SLCO5A1: variants seen among roughly 807,000 people sequenced by gnomAD.
SLCO5A1 encodes the protein solute carrier organic anion transporter family member 5A1, also known as organic anion transporter polypeptide-related protein 4.
Under a neutral mutation model 65.1 loss-of-function variants are expected in SLCO5A1, and 39 were observed. That is an observed-to-expected ratio of 0.60 (90% CI 0.46 to 0.78). The LOEUF is 0.78. Among genes scored for constraint, SLCO5A1 ranks in the 30% least tolerant of loss-of-function variants. The probability of loss-of-function intolerance (pLI) is 0.00; values close to 1 mark genes in which losing one functional copy is unlikely to be tolerated. For synonymous variants in SLCO5A1, 438 were observed against 415.7 expected (o/e 1.05, Z -0.65); for missense variants, 1,029 against 1,069.4 (o/e 0.96, Z 0.53).
chr8:69,805,614 C>T (rs917715347), intron 2 of SLCO5A1, among the ~76,000 whole-genome samples: 1 of 152,124 alleles, frequency 6.6e-6, no homozygotes, highest in South Asian at 2.1e-4. Context: ...ATTTTTCCTG[C>T]GGGTATAAAA....
chr8:69,810,467 A>C (rs747420240), intron 2 of SLCO5A1, among the ~76,000 whole-genome samples: 2 of 152,230 alleles, frequency 1.3e-5, no homozygotes, highest in Non-Finnish European at 2.9e-5. Flanking sequence ...CAGTAAAGAC[A>C]GAAGAAAGCC....
At chr8:69,792,546 C>T (rs1270595180) in intron 2 of SLCO5A1, among the ~76,000 whole-genome samples, 1 of 152,152 alleles carries the variant, frequency 6.6e-6, no homozygotes, top group Admixed American at 6.6e-5. Flanking sequence ...ATTTTAAGAG[C>T]ATTTGTCTGG....
At chr8:69,762,338 C>A (rs1383299005) in intron 2 of SLCO5A1, among the ~76,000 whole-genome samples, 1 of 152,082 alleles carries the variant, frequency 6.6e-6, no homozygotes, top group Non-Finnish European at 1.5e-5. Context: ...AGGCGCCCGC[C>A]ACCACACCCA....
chr8:69,787,065 C>G (rs1819066217), intron 2 of SLCO5A1, among the ~76,000 whole-genome samples: 2 of 152,196 alleles, frequency 1.3e-5, no homozygotes, highest in South Asian at 4.1e-4. Context: ...TCATCCCTTC[C>G]CCATGAATGC....
At chr8:69,693,139 T>G (rs1814348244) in intron 6 of SLCO5A1, among the ~76,000 whole-genome samples, 1 of 152,238 alleles carries the variant, frequency 6.6e-6, no homozygotes. Flanking sequence ...ATGACCATTG[T>G]ATATGTCCAT....
At chr8:69,675,660 C>G (rs138520054) in intron 9 of SLCO5A1, among the ~76,000 whole-genome samples, 1,660 of 152,280 alleles carry the variant, frequency 0.011, 21 homozygotes, top group Non-Finnish European at 0.015. Context: ...GGGCCATCAA[C>G]CACAACATAT....
chr8:69,746,816 G>A (rs887278817), intron 4 of SLCO5A1, among the ~76,000 whole-genome samples: 8 of 152,112 alleles, frequency 5.3e-5, no homozygotes, highest in South Asian at 2.1e-4. Context: ...GCCAGCCAGC[G>A]AGAGACTGCC....
intron 8 of SLCO5A1, among the ~76,000 whole-genome samples, chr8:69,676,916 G>C (rs1813569448): frequency 6.6e-6 from 1 of 152,118 alleles, no homozygotes; most frequent in African/African-American, 2.4e-5. Context: ...CAAAAATACT[G>C]GTAGAGGGTT....
chr8:69,794,661 T>C (rs2130895997), intron 2 of SLCO5A1: 1 of 321,664 alleles, frequency 3.1e-6, no homozygotes, highest in African/African-American at 2.2e-5. Flanking sequence ...CTCTTTATGA[T>C]ATTTGTGGCA....
chr8:69,765,787 TC>T (rs1462295682), intron 2 of SLCO5A1, among the ~76,000 whole-genome samples: 1 of 151,986 alleles, frequency 6.6e-6, no homozygotes, highest in African/African-American at 2.4e-5. Context: ...TGGAACCAGG[TC>T]CCTTCCTTTG....
chr8:69,825,562 C>A (rs987815450), intron 2 of SLCO5A1, among the ~76,000 whole-genome samples: 5 of 152,112 alleles, frequency 3.3e-5, no homozygotes, highest in African/African-American at 1.2e-4. Flanking sequence ...CCTAGGAATC[C>A]AACTTACAAG....
chr8:69,760,412 G>T (rs1439813641), intron 3 of SLCO5A1, among the ~76,000 whole-genome samples: 1 of 152,184 alleles, frequency 6.6e-6, no homozygotes, highest in African/African-American at 2.4e-5. Flanking sequence ...ATTAATATCT[G>T]TTAGCTGCTT....
intron 6 of SLCO5A1, among the ~76,000 whole-genome samples, chr8:69,694,105 C>T (rs1478621060): frequency 6.6e-6 from 1 of 152,150 alleles, no homozygotes; most frequent in East Asian, 1.9e-4. Flanking sequence ...GATACATCCC[C>T]AATAGCTCAT....
chr8:69,712,780 TG>T lies in SLCO5A1; in HGVS notation c.1424-7552del, dbSNP rs1162603438. Among the ~76,000 whole-genome samples the T allele has an allele frequency of 2.6e-5, 4 of 152,236 alleles. No individual in the cohort carries two copies. In the East Asian group the frequency reaches 5.8e-4, roughly 22 times the overall value. ...CACTGACCAACGCCTAGTGTGTGTT[TG>T]GATGAAAGAACAAACATTCATTTTG... On this transcript the variant is annotated intron_variant, in intron 5 of 9. Coordinates refer to ENST00000260126, the MANE Select transcript of SLCO5A1 (RefSeq NM_030958.3).
chr8:69,785,659 C>T (rs1013188481), intron 2 of SLCO5A1, among the ~76,000 whole-genome samples: 11 of 152,188 alleles, frequency 7.2e-5, no homozygotes, highest in Non-Finnish European at 1.6e-4. Context: ...AACTAGTAAG[C>T]AGTAGATTCA....
intron 5 of SLCO5A1, among the ~76,000 whole-genome samples, chr8:69,706,764 G>A (rs1484362689): frequency 6.6e-6 from 1 of 152,162 alleles, no homozygotes; most frequent in Non-Finnish European, 1.5e-5. Context: ...CCACCTGAAT[G>A]AACTAAGACA....
At chr8:69,673,402 G>A (rs917468008) in intron 9 of SLCO5A1, 76 bp from the exon 10 acceptor site, 2 of 1,311,800 alleles carry the variant, frequency 1.5e-6, no homozygotes, top group Middle Eastern at 2.0e-4. Flanking sequence ...AAATTAGCAA[G>A]GTACTTGTGT....
chr8:69,687,980 A>C (rs570992898), intron 6 of SLCO5A1, among the ~76,000 whole-genome samples: 4 of 152,218 alleles, frequency 2.6e-5, no homozygotes, highest in Non-Finnish European at 5.9e-5. Context: ...TCATGTTTTA[A>C]GGGTATATAT....
chr8:69,793,321 T>C (rs561194099), intron 2 of SLCO5A1, among the ~76,000 whole-genome samples: 241 of 152,128 alleles, frequency 1.6e-3, no homozygotes, highest in Non-Finnish European at 3.1e-3. Context: ...TTTCTAACTA[T>C]AAAGTAACTT....
Sources: gnomAD v4.1 joint callset for allele counts (sites outside exome capture counted in the v4.1 genomes callset) on GRCh38, gnomAD v4.1.1 for gene constraint, MANE v1.5 for transcripts, NCBI Gene and HGNC (gene_info 2026-07-23, HGNC 2026-07-21) for gene names.